The following P3H1 variants were observed in gnomAD, a reference collection of about 807,000 sequenced individuals.
P3H1 encodes the protein prolyl 3-hydroxylase 1.
A neutral mutation model predicts 84.0 loss-of-function variants in P3H1; 69 were observed. The observed-to-expected ratio is 0.82, with a 90% CI of 0.68 to 1.00. P3H1 has a LOEUF of 1.00. Ranked by LOEUF, P3H1 falls within the 50% of genes least tolerant of loss-of-function variation. P3H1 has a pLI of 0.00. For synonymous variants in P3H1, 366 were observed against 388.8 expected, an observed-to-expected ratio of 0.94 and a Z score of 0.69; for missense variants, 878 against 962.8, an observed-to-expected ratio of 0.91 and a Z score of 1.17.
intron 2 of P3H1, 194 bp downstream of exon 2, chr1:42,762,129 A>C: frequency 1.7e-6 from 1 of 578,164 alleles, no homozygotes; most frequent in Non-Finnish European, 3.1e-6. Context: ...TTTAAAAAAA[A>C]ACAAAAGAAT....
At chr1:42,764,135 G>C (rs1296182849) in intron 1 of P3H1, among the ~76,000 whole-genome samples, 1 of 151,716 alleles carries the variant, frequency 6.6e-6, no homozygotes, top group Non-Finnish European at 1.5e-5. Flanking sequence ...CGTCTCAAAA[G>C]AAAAGAGGGC....
chr1:42,747,902 G>A, intron 12 of P3H1, 104 bp from the exon 13 acceptor site: 1 of 1,105,154 alleles, frequency 9.0e-7, no homozygotes, highest in South Asian at 1.2e-5. Context: ...GTGGCTTTGT[G>A]TGGGAGGGAA....
intron 1 of P3H1, among the ~76,000 whole-genome samples, chr1:42,764,737 C>T (rs1487254740): frequency 1.3e-5 from 2 of 152,172 alleles, no homozygotes; most frequent in Non-Finnish European, 2.9e-5. Context: ...TAAAGGCACA[C>T]TAAAGGAGTC....
chr1:42,748,147 G>A (rs1651835697), intron 12 of P3H1, 53 bp downstream of exon 12: 4 of 1,312,290 alleles, frequency 3.0e-6, no homozygotes, highest in Middle Eastern at 1.9e-4. Context: ...GGGCACTGTG[G>A]GGCCTCTGAG....
intron 14 of P3H1, 42 bp from the exon 15 acceptor site, chr1:42,746,894 C>G: frequency 6.2e-7 from 1 of 1,614,188 alleles, no homozygotes; most frequent in South Asian, 1.1e-5. Context: ...GGCCTCCGCT[C>G]CAGACACTCG....
At position 42,757,668 on chromosome 1, in the gene P3H1, T is replaced by C. The variant is rs7521929; in HGVS notation, c.1080+115A>G. On this transcript the variant is annotated intron_variant, in intron 5 of 14. Transcript: ENST00000296388. ...CTGAACTCACATCTGGCCCCAACACTGACATCTGGCCCCTGCCCTGCACGC... is the reference window on the plus strand; with the variant it reads ...CTGAACTCACATCTGGCCCCAACACCGACATCTGGCCCCTGCCCTGCACGC... 1.1e-3 allele frequency: 1,582 copies of C among 1,487,362 alleles called. 15 individuals carry two copies. In the African/African-American group the frequency reaches 0.02, roughly 19 times the overall value. 92.1% of individuals were successfully genotyped at this position (1,487,362 alleles called of 1,614,324 possible).
At position 42,748,055 on chromosome 1, in the gene P3H1, G is replaced by A. The variant is rs564547108; in HGVS notation, c.1838+145C>T. ...CTCTTTGCCTATCTTCTTATCCAGC[G>A]GGTTTGGGGATAAAGGATTGGACTC... On this transcript the variant is annotated intron_variant, in intron 12 of 14. Coordinates refer to ENST00000296388, the MANE Select transcript of P3H1 (RefSeq NM_022356.4). 39 of 698,494 alleles carry A rather than the reference G, an allele frequency of 5.6e-5. No homozygotes were observed. The Middle Eastern group carries it at 3.2e-3, about 57-fold the overall frequency. The allele number at this position is 698,494 out of a possible 1,614,324, so 43.3% of individuals were successfully genotyped here. A position where few individuals can be genotyped will look rare whatever the true frequency, so the allele number is the denominator to read the frequency against.
intron 2 of P3H1, among the ~76,000 whole-genome samples, 198 bp from the exon 3 acceptor site, chr1:42,759,588 A>G (rs1570474794): frequency 1.3e-5 from 2 of 152,250 alleles, no homozygotes; most frequent in South Asian, 4.1e-4. Context: ...ATTTAAAAAC[A>G]TTTAGCTCTT....
At position 42,755,676 on chromosome 1, in the gene P3H1, C is replaced by T. The variant is rs1473590843; in HGVS notation, c.1081-39G>A. 4 of 1,541,450 alleles carry T rather than the reference C, an allele frequency of 2.6e-6. No homozygotes were observed. The Admixed American group carries it at 6.7e-5, about 26-fold the overall frequency. On this transcript the variant is annotated intron_variant, in intron 5 of 14. Coordinates refer to ENST00000296388, the MANE Select transcript of P3H1 (RefSeq NM_022356.4). ...AGCAAACAAATCCCCCAGAACTCAG[C>T]CCTGTCTTTTAACCTCTGGGAGTTC...
At chr1:42,758,378 GTCATC>G (rs1176926496) in intron 4 of P3H1, among the ~76,000 whole-genome samples, 3 of 152,000 alleles carry the variant, frequency 2.0e-5, no homozygotes, top group Non-Finnish European at 4.4e-5. Context: ...ATATTTGTTA[GTCATC>G]TCAACTCAAC....
In P3H1 at chr1:42,766,979, T is replaced by C. The variant is rs1439322516; in HGVS notation, c.-8A>G. On this transcript the variant is annotated 5_prime_UTR_variant, in exon 1 of 15. Transcript: ENST00000296388. ...CAACGCGCGTACCGCCATCGCTCCC[T>C]CAGACCTAACGGAACCGCCAGCCAC... 6.2e-7 allele frequency: 1 copy of C among 1,606,756 alleles called. No homozygotes were observed.
chr1:42,766,989 C>T lies in P3H1; in HGVS notation c.-18G>A. ...ACCGCCATCGCTCCCTCAGACCTAA[C>T]GGAACCGCCAGCCACCCGCCACCAA... On this transcript the variant is annotated 5_prime_UTR_variant, in exon 1 of 15. Coordinates refer to ENST00000296388, the MANE Select transcript of P3H1 (RefSeq NM_022356.4). 1 of 1,603,396 alleles carries T rather than the reference C, an allele frequency of 6.2e-7. No homozygotes were observed. Among genetic ancestry groups the T allele is most frequent in the Non-Finnish European group, 8.5e-7 (1 of 1,178,642 alleles).
At chr1:42,747,112 G>A (rs1651761369) in intron 14 of P3H1, 160 bp downstream of exon 14, 1 of 1,614,210 alleles carries the variant, frequency 6.2e-7, no homozygotes, top group Non-Finnish European at 8.5e-7. Flanking sequence ...ACAAGGCAAT[G>A]TGACCATAAT....
intron 1 of P3H1, among the ~76,000 whole-genome samples, chr1:42,764,833 T>A (rs1652908295): frequency 6.6e-6 from 1 of 152,164 alleles, no homozygotes; most frequent in African/African-American, 2.4e-5. Context: ...TTTTTTCAGG[T>A]CTGTCCCTTT....
At chr1:42,761,747 A>G (rs2760069) in intron 2 of P3H1, 108,367 of 154,808 alleles carry the variant, frequency 0.7, 38,096 homozygotes, top group South Asian at 0.84. Context: ...ATAGCTGGGT[A>G]TGGTGGTGCA....
chr1:42,764,313 T>G (rs889745172), intron 1 of P3H1, among the ~76,000 whole-genome samples: 2 of 150,514 alleles, frequency 1.3e-5, no homozygotes, highest in Non-Finnish European at 2.9e-5. Context: ...TCCCAGCTAC[T>G]CGGGAGGCTG....
chr1:42,754,860 T>C lies in P3H1; in HGVS notation c.1345+9A>G. 1.2e-6 allele frequency: 2 copies of C among 1,614,126 alleles called. No homozygotes were observed. Among genetic ancestry groups the C allele is most frequent in the Non-Finnish European group, 1.7e-6 (2 of 1,179,990 alleles). On this transcript the variant is annotated intron_variant, in intron 8 of 14. Transcript: ENST00000296388. This position sits in a 1 kb window ranked among gnomAD's most constrained non-coding sequence, Gnocchi z 4.0. ...ACAGCCAGACATGCCCCTATTTCTG[T>C]CCTCTCACCTTCCCGGGTCAGTCTG... is the stretch of plus-strand genomic sequence containing the variant.
rs951159895 is a variant in P3H1 at position 42,766,577 on chromosome 1, A to G, written c.395T>C (p.Leu132Pro). Reference sequence around the variant, plus strand: ...GAACTCCAGCTCCATCTCTTCGCTGAGCGAGTGGGCGGCCGGCGGCCCGAG... The same window carrying G: ...GAACTCCAGCTCCATCTCTTCGCTGGGCGAGTGGGCGGCCGGCGGCCCGAG... Reference protein sequence around the residue: ...RCLGPPAAHSLSEEMELEFRK... With the variant: ...RCLGPPAAHSPSEEMELEFRK... The change falls in exon 1 of 15, where the codon CTC becomes CCC. Residue 132 changes from leucine (L) to proline (P), a missense_variant. Physicochemically the swap from Leu to Pro is moderately conservative, Grantham distance 98 (BLOSUM62 -3). Transcript: ENST00000296388. 3 of 1,611,452 alleles carry G rather than the reference A, an allele frequency of 1.9e-6. No individual in the cohort carries two copies. The highest frequency in any genetic ancestry group is 2.5e-6 in the Non-Finnish European group (3 of 1,179,256).
intron 8 of P3H1, among the ~76,000 whole-genome samples, chr1:42,753,666 T>C (rs1570465836): frequency 6.6e-6 from 1 of 152,184 alleles, no homozygotes; most frequent in Non-Finnish European, 1.5e-5. Flanking sequence ...CTTATGCCTA[T>C]AATCTCAGCA....
Sources: allele counts gnomAD v4.1 joint callset (sites outside exome capture counted in the v4.1 genomes callset), GRCh38; gene constraint gnomAD v4.1.1; non-coding constraint Gnocchi (gnomAD v3.1); transcripts MANE v1.5; gene names NCBI Gene and HGNC (gene_info 2026-07-23, HGNC 2026-07-21).